Variants in HAPLN3 observed in about 807,000 individuals in gnomAD.
The protein encoded by HAPLN3 is hyaluronan and proteoglycan link protein 3.
Under a neutral mutation model 28.1 loss-of-function variants are expected in HAPLN3, and 28 were observed. That is an observed-to-expected ratio of 1.00 (90% CI 0.74 to 1.37). The LOEUF (loss-of-function observed/expected upper bound fraction) is 1.37, where lower values mean the gene tolerates loss of function less well. Ranked by LOEUF, HAPLN3 falls within the 40% of genes most tolerant of loss-of-function variation. The pLI is 0.00. For synonymous variants in HAPLN3, 211 were observed against 213.1 expected, an observed-to-expected ratio of 0.99 and a Z score of 0.09; for missense variants, 513 against 504.6, an observed-to-expected ratio of 1.02 and a Z score of -0.16.
chr15:88,885,946 T>C (rs1211523287), intron 2 of HAPLN3, among the ~76,000 whole-genome samples: 1 of 152,160 alleles, frequency 6.6e-6, no homozygotes, highest in Admixed American at 6.5e-5. Flanking sequence ...TCTCTGAGCC[T>C]AGTTTGCTCA....
chr15:88,886,940 T>C (rs755601473), intron 2 of HAPLN3, among the ~76,000 whole-genome samples: 7 of 152,278 alleles, frequency 4.6e-5, no homozygotes, highest in Non-Finnish European at 8.8e-5. Flanking sequence ...TGGCAAGACT[T>C]TTAGGGAAAG....
intron 2 of HAPLN3, among the ~76,000 whole-genome samples, chr15:88,884,373 G>C (rs2141663963): frequency 6.6e-6 from 1 of 152,286 alleles, no homozygotes; most frequent in African/African-American, 2.4e-5. Context: ...GACCATCCTG[G>C]CTAACACGGT....
chr15:88,892,480 A>G (rs192029142), intron 1 of HAPLN3, among the ~76,000 whole-genome samples: 2 of 152,060 alleles, frequency 1.3e-5, no homozygotes, highest in East Asian at 3.9e-4. Context: ...AAGAAAAACA[A>G]AAGGAATTAT....
chr15:88,880,428 G>A lies in HAPLN3; in HGVS notation c.493+929C>T. 2 of 1,187,688 alleles carry A rather than the reference G, an allele frequency of 1.7e-6. No individual in the cohort carries two copies. Among genetic ancestry groups the A allele is most frequent in the Non-Finnish European group, 2.1e-6 (2 of 938,044 alleles). The allele number at this position is 1,187,688 out of a possible 1,614,324, so 73.6% of individuals were successfully genotyped here. ...CTTATCCTCATTGCCTCTGAGGGAGGTAAAGGAGGAAAGATTGTGATACCC... is the reference window on the plus strand; with the variant it reads ...CTTATCCTCATTGCCTCTGAGGGAGATAAAGGAGGAAAGATTGTGATACCC... On this transcript the variant is annotated intron_variant, in intron 3 of 4. Coordinates refer to ENST00000359595, the MANE Select transcript of HAPLN3 (RefSeq NM_178232.4). The surrounding 1 kb of genome is among the most constrained non-coding windows in gnomAD (Gnocchi z 6.0).
rs948473444 is a variant in HAPLN3, at chr15:88,880,799, T to G, written c.493+558A>C. On this transcript the variant is annotated intron_variant, in intron 3 of 4. Transcript: ENST00000359595. The surrounding 1 kb of genome is among the most constrained non-coding windows in gnomAD (Gnocchi z 6.0). ...GTTTTTACATAAAAATCAGGAGATCTCACATAAAAATATAAGCTTATCTTG... is the reference window on the plus strand; with the variant it reads ...GTTTTTACATAAAAATCAGGAGATCGCACATAAAAATATAAGCTTATCTTG... Among the ~76,000 whole-genome samples, 1 of 152,092 alleles carries G rather than the reference T, an allele frequency of 6.6e-6. No individual in the cohort carries two copies. The highest frequency in any genetic ancestry group is 2.4e-5 in the African/African-American group (1 of 41,392).
Position 88,879,446 on chromosome 15 carries a change from G to A in HAPLN3, c.494-177C>T. ...CTGTCCGTTGCCGCCTCTCTCCTGG[G>A]ACTCAGCTGGTTCACAGCAGTACTC... On this transcript the variant is annotated intron_variant, in intron 3 of 4. Coordinates refer to ENST00000359595, the MANE Select transcript of HAPLN3 (RefSeq NM_178232.4). The surrounding 1 kb of genome is among the most constrained non-coding windows in gnomAD (Gnocchi z 5.0). The A allele has an allele frequency of 6.5e-7, 1 of 1,534,104 alleles. No homozygotes were observed. The highest frequency in any genetic ancestry group is 1.2e-5 in the South Asian group (1 of 83,228).
chr15:88,894,523 C>G (rs757039980), intron 1 of HAPLN3, among the ~76,000 whole-genome samples: 1 of 152,218 alleles, frequency 6.6e-6, no homozygotes, highest in African/African-American at 2.4e-5. Context: ...CCTGTTTGCA[C>G]AAGGCTTGAT....
intron 1 of HAPLN3, among the ~76,000 whole-genome samples, chr15:88,892,488 T>C (rs1712972057): frequency 6.6e-6 from 1 of 151,068 alleles, no homozygotes; most frequent in African/African-American, 2.4e-5. Context: ...CAAAAGGAAT[T>C]ATAAGAAAAG....
rs1346086639 is a variant in HAPLN3 at position 88,895,175 on chromosome 15, T to C, written c.-48+284A>G. 6.6e-6 allele frequency among the ~76,000 whole-genome samples: 1 copy of C among 151,972 alleles called. No individual in the cohort carries two copies. The highest frequency in any genetic ancestry group is 1.5e-5 in the Non-Finnish European group (1 of 67,982). Reference sequence around the variant, plus strand: ...AGGGGGCTGGAGGCGGACGGTGGTCTCGGAGGCCACGGGGTCCGCTCGGGC... The same window carrying C: ...AGGGGGCTGGAGGCGGACGGTGGTCCCGGAGGCCACGGGGTCCGCTCGGGC... On this transcript the variant is annotated intron_variant, in intron 1 of 4. Transcript: ENST00000359595. This position sits in a 1 kb window ranked among gnomAD's most constrained non-coding sequence, Gnocchi z 5.5.
intron 1 of HAPLN3, among the ~76,000 whole-genome samples, chr15:88,890,297 C>CT (rs1431317354): frequency 6.6e-6 from 1 of 152,202 alleles, no homozygotes; most frequent in Non-Finnish European, 1.5e-5. Context: ...TGAAACCCCA[C>CT]TTCTTGTCCA....
In HAPLN3 at chr15:88,878,000, C is replaced by T. The variant is rs201086334; in HGVS notation, c.1053G>A (p.Leu351=). ...SFGFPDPQSR[L]YGVYCYRQH Reference sequence around the variant, plus strand: ...GCTGGCGGTAGCAGTAAACACCGTACAAGCGGCTCTGCGGGTCGGGGAAGC... The same window carrying T: ...GCTGGCGGTAGCAGTAAACACCGTATAAGCGGCTCTGCGGGTCGGGGAAGC... Residue 351 remains leucine, a synonymous_variant, in exon 5 of 5, where the codon TTG becomes TTA. Transcript: ENST00000359595. This position sits in a 1 kb window ranked among gnomAD's most constrained non-coding sequence, Gnocchi z 5.1. The T allele has an allele frequency of 1.9e-6, 3 of 1,612,808 alleles. No homozygotes were observed. Among genetic ancestry groups the T allele is most frequent in the Middle Eastern group, 1.6e-4 (1 of 6,078 alleles).
rs747082200 is a variant in HAPLN3 at position 88,881,416 on chromosome 15, C to A, written c.434G>T (p.Arg145Leu). ...CTCCAGCCCGTCAATGACCTCACAG[C>A]GGTAACGCCCATAGTCCTCCAGCCG... ...DLRLEDYGRYRCEVIDGLEDE... is the reference protein window; with the variant it reads ...DLRLEDYGRYLCEVIDGLEDE... The change falls in exon 3 of 5, where the codon CGC becomes CTC. Residue 145 changes from arginine (R) to leucine (L), a missense_variant. Physicochemically the swap from Arg to Leu is moderately radical, Grantham distance 102. Transcript: ENST00000359595. This position sits in a 1 kb window ranked among gnomAD's most constrained non-coding sequence, Gnocchi z 6.0. The A allele has an allele frequency of 1.2e-6, 2 of 1,613,942 alleles. No individual in the cohort carries two copies. Among genetic ancestry groups the A allele is most frequent in the Middle Eastern group, 3.3e-4 (2 of 6,062 alleles).
rs1897659636 is a variant in HAPLN3, at chr15:88,880,177, T to C, written c.494-908A>G. The C allele has an allele frequency of 1.0e-6, 1 of 995,088 alleles. No homozygotes were observed. Among genetic ancestry groups the C allele is most frequent in the African/African-American group, 1.7e-5 (1 of 57,470 alleles). 61.6% of individuals were successfully genotyped at this position (995,088 alleles called of 1,614,324 possible). ...GTTTGCAGGGGGACTATTTCATGCC[T>C]GGTTCCACCCCAAATTCCTAGCCCT... is the stretch of plus-strand genomic sequence containing the variant. On this transcript the variant is annotated intron_variant, in intron 3 of 4. Coordinates refer to ENST00000359595, the MANE Select transcript of HAPLN3 (RefSeq NM_178232.4). This position sits in a 1 kb window ranked among gnomAD's most constrained non-coding sequence, Gnocchi z 6.0.
chr15:88,892,864 G>A (rs1413612830), intron 1 of HAPLN3: 1 of 1,201,234 alleles, frequency 8.3e-7, no homozygotes, highest in Non-Finnish European at 1.1e-6. Context: ...CTGAGGGGAG[G>A]GATGGGTAGC....
chr15:88,887,239 G>A lies in HAPLN3; in HGVS notation c.60C>T (p.Phe20=). The A allele has an allele frequency of 1.9e-6, 3 of 1,614,210 alleles. No homozygotes were observed. Among genetic ancestry groups the A allele is most frequent in the Middle Eastern group, 1.6e-4 (1 of 6,062 alleles). ...TGTTGGAGTAGTAGAAGCCGTTGTA[G>A]AAGGGCAGTCCGTAGGAGCCGGGCA... ...LLLPGSYGLP[F]YNGFYYSNSA... Residue 20 remains phenylalanine, a synonymous_variant, in exon 2 of 5, where the codon TTC becomes TTT. Coordinates refer to ENST00000359595, the MANE Select transcript of HAPLN3 (RefSeq NM_178232.4).
At position 88,877,844 on chromosome 15, in the gene HAPLN3, T is replaced by A. The variant is rs1024708496; in HGVS notation, c.*126A>T. 4.1e-6 allele frequency: 4 copies of A among 984,178 alleles called. No individual in the cohort carries two copies. The African/African-American group carries it at 6.6e-5, about 16-fold the overall frequency. The allele number at this position is 984,178 out of a possible 1,614,324, so 61.0% of individuals were successfully genotyped here. ...TGCTTTACAAAAAATAGTAAAAAAA[T>A]GTTTAAAGAAAATTTAAATTGAGAA... is the stretch of plus-strand genomic sequence containing the variant. On this transcript the variant is annotated 3_prime_UTR_variant, in exon 5 of 5. Transcript: ENST00000359595. The surrounding 1 kb of genome is among the most constrained non-coding windows in gnomAD (Gnocchi z 5.1).
At position 88,888,787 on chromosome 15, in the gene HAPLN3, G is replaced by C. The variant is rs1003221525; in HGVS notation, c.-47-1442C>G. 2.6e-5 allele frequency among the ~76,000 whole-genome samples: 4 copies of C among 152,218 alleles called. No individual in the cohort carries two copies. The highest frequency in any genetic ancestry group is 9.6e-5 in the African/African-American group (4 of 41,452). On this transcript the variant is annotated intron_variant, in intron 1 of 4. Transcript: ENST00000359595. The surrounding 1 kb of genome is among the most constrained non-coding windows in gnomAD (Gnocchi z 4.1). ...ACGGGAATGTCCAAATGAGACTGAA[G>C]ATGCAGGAGTTTGCCAGGTGGAGAA...
intron 1 of HAPLN3, among the ~76,000 whole-genome samples, chr15:88,890,900 C>T (rs1194120058): frequency 4.0e-5 from 5 of 125,256 alleles, no homozygotes; most frequent in East Asian, 2.3e-4. Context: ...TTTTTTGAGA[C>T]TAAGTCTCAC....
Position 88,879,782 on chromosome 15 carries a change from C to T in HAPLN3, c.494-513G>A, listed in dbSNP as rs901785981. 8.0e-6 allele frequency: 9 copies of T among 1,119,252 alleles called. No homozygotes were observed. In the African/African-American group the frequency reaches 9.8e-5, roughly 12 times the overall value. The allele number at this position is 1,119,252 out of a possible 1,614,324, so 69.3% of individuals were successfully genotyped here. A position where few individuals can be genotyped will look rare whatever the true frequency, so the allele number is the denominator to read the frequency against. On this transcript the variant is annotated intron_variant, in intron 3 of 4. Coordinates refer to ENST00000359595, the MANE Select transcript of HAPLN3 (RefSeq NM_178232.4). This position sits in a 1 kb window ranked among gnomAD's most constrained non-coding sequence, Gnocchi z 5.0. The stretch of plus-strand genomic sequence containing the variant: ...CCGTGGGGAGAGGGTTGGGGAAGGG[C>T]CTTCCATAAAGGAGGCTCAAGGGCA...
Sources: gnomAD v4.1 joint callset for allele counts (sites outside exome capture counted in the v4.1 genomes callset) on GRCh38, gnomAD v4.1.1 for gene constraint, Gnocchi (gnomAD v3.1) non-coding constraint, MANE v1.5 for transcripts, NCBI Gene and HGNC (gene_info 2026-07-23, HGNC 2026-07-21) for gene names.